Variants in COG5 observed in about 807,000 individuals in gnomAD.
COG5 encodes the protein conserved oligomeric Golgi complex subunit 5.
A neutral mutation model predicts 110.4 loss-of-function variants in COG5; 86 were observed. That is an observed-to-expected ratio of 0.78 (90% CI 0.65 to 0.93). The LOEUF (loss-of-function observed/expected upper bound fraction) is 0.93. Among genes scored for constraint, COG5 ranks in the 40% least tolerant of loss-of-function variants. The probability of loss-of-function intolerance (pLI) is 0.00; values close to 1 mark genes in which losing one functional copy is unlikely to be tolerated. For synonymous variants in COG5, 360 were observed against 334.6 expected (o/e 1.08, Z -0.83); for missense variants, 1,077 against 987.0 (o/e 1.09, Z -1.22).
rs1278452374 is a variant in COG5, at chr7:107,248,488, A to G, written c.1761T>C (p.Ala587=). The change falls in exon 17 of 22, where the codon GCT becomes GCC. Residue 587 remains alanine, a synonymous_variant. Coordinates refer to ENST00000297135, the MANE Select transcript of COG5 (RefSeq NM_006348.5). Reference sequence around the variant, plus strand: ...AGGGTTGCACAGCATTTTCCATAAGAGCATGAATAGCCTAAAAAAAAAAAA... The same window carrying G: ...AGGGTTGCACAGCATTTTCCATAAGGGCATGAATAGCCTAAAAAAAAAAAA... The part of the protein sequence containing the change: ...TIISALKAIH[A]LMENAVQPLL... The G allele has an allele frequency of 6.3e-7, 1 of 1,596,996 alleles. No individual in the cohort carries two copies. The highest frequency in any genetic ancestry group is 8.6e-7 in the Non-Finnish European group (1 of 1,167,240).
At chr7:107,407,380 C>G (rs1471491187) in intron 7 of COG5, among the ~76,000 whole-genome samples, 2 of 151,908 alleles carry the variant, frequency 1.3e-5, no homozygotes, top group Admixed American at 6.6e-5. Flanking sequence ...AAAACTCCAT[C>G]TCAAAAAAGG....
chr7:107,474,792 A>G lies in COG5; in HGVS notation c.538+52445T>C, dbSNP rs767037320. ...AGGCTCTTAATATTCGAATAGGCAC[A>G]AGATTTTCAACAGGGCAGAAGAAGA... On this transcript the variant is annotated intron_variant, in intron 6 of 21. Coordinates refer to ENST00000297135, the MANE Select transcript of COG5 (RefSeq NM_006348.5). The surrounding 1 kb of genome is among the most constrained non-coding windows in gnomAD (Gnocchi z 5.7). 6.2e-7 allele frequency: 1 copy of G among 1,612,328 alleles called. No homozygotes were observed. The highest frequency in any genetic ancestry group is 1.1e-5 in the South Asian group (1 of 90,856).
intron 11 of COG5, 112 bp from the exon 12 acceptor site, chr7:107,298,458 C>A: frequency 1.3e-6 from 1 of 755,044 alleles, no homozygotes; most frequent in South Asian, 1.9e-5. Context: ...AAACCAAAGA[C>A]GTGTTCTAAT....
intron 6 of COG5, among the ~76,000 whole-genome samples, chr7:107,507,380 G>A (rs1231823466): frequency 1.4e-5 from 2 of 147,434 alleles, no homozygotes. Context: ...TGCAAGCTCT[G>A]CCTCCCGGGT....
intron 10 of COG5, among the ~76,000 whole-genome samples, chr7:107,338,629 T>G (rs1810911532): frequency 1.3e-5 from 2 of 152,054 alleles, no homozygotes; most frequent in Non-Finnish European, 2.9e-5. Flanking sequence ...CAAATTACAC[T>G]ACATCAAACT....
intron 7 of COG5, among the ~76,000 whole-genome samples, chr7:107,384,317 G>A (rs1260589988): frequency 4.4e-4 from 67 of 152,110 alleles, no homozygotes; most frequent in Admixed American, 4.3e-3. Context: ...TTAGAGGGGG[G>A]AATGAAACAG....
chr7:107,342,759 G>A (rs1811276443), intron 10 of COG5, among the ~76,000 whole-genome samples: 1 of 152,064 alleles, frequency 6.6e-6, no homozygotes, highest in African/African-American at 2.4e-5. Context: ...ATGTTTATAC[G>A]TTGCTTCTGG....
At chr7:107,511,105 A>G (rs936756496) in intron 6 of COG5, among the ~76,000 whole-genome samples, 8 of 148,758 alleles carry the variant, frequency 5.4e-5, no homozygotes, top group African/African-American at 2.0e-4. Flanking sequence ...TGAATCCAGG[A>G]GCTGGTTTTT....
In COG5 at chr7:107,548,344, T is replaced by A. The variant is rs770709091; in HGVS notation, c.293-12A>T. Reference sequence around the variant, plus strand: ...CATCTGAAGAACACCTAGGAAAACATAAGTTTACATTGGCTTTACAAATTT... The same window carrying A: ...CATCTGAAGAACACCTAGGAAAACAAAAGTTTACATTGGCTTTACAAATTT... On this transcript the variant is annotated splice_polypyrimidine_tract_variant and intron_variant, in intron 3 of 21. Transcript: ENST00000297135. 6.2e-7 allele frequency: 1 copy of A among 1,613,238 alleles called. No homozygotes were observed. Among genetic ancestry groups the A allele is most frequent in the African/African-American group, 1.3e-5 (1 of 75,050 alleles).
chr7:107,400,178 T>C (rs1028507334), intron 7 of COG5, among the ~76,000 whole-genome samples: 6 of 152,110 alleles, frequency 3.9e-5, no homozygotes, highest in Non-Finnish European at 7.4e-5. Flanking sequence ...CATCAATAGG[T>C]GAACGTATAA....
intron 6 of COG5, among the ~76,000 whole-genome samples, chr7:107,510,992 A>C (rs780704002): frequency 3.9e-5 from 6 of 152,116 alleles, no homozygotes; most frequent in Admixed American, 2.6e-4. Flanking sequence ...GAACTAGAAA[A>C]GCAAGAGCAA....
intron 21 of COG5, among the ~76,000 whole-genome samples, chr7:107,204,997 T>C (rs1040086954): frequency 6.6e-6 from 1 of 152,232 alleles, no homozygotes; most frequent in African/African-American, 2.4e-5. Flanking sequence ...CCTATTAATT[T>C]GCTACACACA....
intron 10 of COG5, among the ~76,000 whole-genome samples, chr7:107,351,644 A>G (rs1426311935): frequency 2.0e-5 from 3 of 152,200 alleles, no homozygotes; most frequent in Non-Finnish European, 2.9e-5. Flanking sequence ...TCAAAAAGTG[A>G]GCAAAGGATA....
At chr7:107,471,723 ATACTT>A (rs944188834) in intron 6 of COG5, 12 of 152,198 alleles carry the variant, frequency 7.9e-5, no homozygotes, top group African/African-American at 2.9e-4. Flanking sequence ...AGAAAAGAAA[ATACTT>A]TATCAGCACA....
intron 6 of COG5, among the ~76,000 whole-genome samples, chr7:107,524,536 T>G (rs999174533): frequency 1.3e-5 from 2 of 152,242 alleles, no homozygotes; most frequent in Admixed American, 1.3e-4. Flanking sequence ...AAGTGTCATT[T>G]AGTGTACATG....
chr7:107,222,378 G>A (rs1490906182), intron 19 of COG5, among the ~76,000 whole-genome samples: 1 of 152,090 alleles, frequency 6.6e-6, no homozygotes, highest in Non-Finnish European at 1.5e-5. Flanking sequence ...GCTAATTTTT[G>A]TATTTTTAGT....
chr7:107,269,718 T>C (rs1393750662), intron 14 of COG5, among the ~76,000 whole-genome samples: 1 of 152,214 alleles, frequency 6.6e-6, no homozygotes, highest in Non-Finnish European at 1.5e-5. Context: ...GTTTTGTGCT[T>C]ATTATTACTT....
rs1243460444 is a variant in COG5 at position 107,563,793 on chromosome 7, G to C, written c.94+10C>G. ...CAACCCCACGACCTGGTCAGACCCC[G>C]TCTCCTTACCGTCCTGCAGAAGTTC... On this transcript the variant is annotated intron_variant, in intron 1 of 21. Coordinates refer to ENST00000297135, the MANE Select transcript of COG5 (RefSeq NM_006348.5). 6.2e-7 allele frequency: 1 copy of C among 1,613,686 alleles called. No homozygotes were observed. The highest frequency in any genetic ancestry group is 8.5e-7 in the Non-Finnish European group (1 of 1,179,804).
At chr7:107,339,851 A>C (rs1472729603) in intron 10 of COG5, among the ~76,000 whole-genome samples, 1 of 152,116 alleles carries the variant, frequency 6.6e-6, no homozygotes, top group Non-Finnish European at 1.5e-5. Context: ...AATCTCTGTG[A>C]TGCAGCAAAA....
Sources: gnomAD v4.1 joint callset for allele counts (sites outside exome capture counted in the v4.1 genomes callset) on GRCh38, gnomAD v4.1.1 for gene constraint, Gnocchi (gnomAD v3.1) non-coding constraint, MANE v1.5 for transcripts, NCBI Gene and HGNC (gene_info 2026-07-23, HGNC 2026-07-21) for gene names.